FAM161B: variants seen among roughly 807,000 people sequenced by gnomAD.
The protein encoded by FAM161B is protein FAM161B.
Under a neutral mutation model 61.5 loss-of-function variants are expected in FAM161B, and 46 were observed. That is an observed-to-expected ratio of 0.75 (90% CI 0.59 to 0.96). The LOEUF (loss-of-function observed/expected upper bound fraction) is 0.96. Among genes scored for constraint, FAM161B ranks in the 40% least tolerant of loss-of-function variants. The probability of loss-of-function intolerance (pLI) is 0.00; values close to 1 mark genes in which losing one functional copy is unlikely to be tolerated. For missense variants in FAM161B, 774 were observed against 800.7 expected (o/e 0.97, Z 0.40); for synonymous variants, 284 against 302.7 (o/e 0.94, Z 0.64).
chr14:73,946,502 G>A lies in FAM161B; in HGVS notation c.158C>T (p.Pro53Leu). 6.2e-7 allele frequency: 1 copy of A among 1,614,170 alleles called. No individual in the cohort carries two copies. Among genetic ancestry groups the A allele is most frequent in the Non-Finnish European group, 8.5e-7 (1 of 1,180,048 alleles). ...RASKLDEFLSPEEEIDSTSDS... is the reference protein window; with the variant it reads ...RASKLDEFLSLEEEIDSTSDS... ...AGAAGTAGAATCTATCTCCTCCTCT[G>A]GGCTGAGGAACTCGTCAAGTTTGCT... The change falls in exon 2 of 9, where the codon CCA becomes CTA. Residue 53 changes from proline (P) to leucine (L), a missense_variant. Transcript: ENST00000286544.
downstream of FAM161B, chr14:73,932,052 C>G (rs988298424): frequency 3.3e-5 from 15 of 455,982 alleles, no homozygotes; most frequent in Non-Finnish European, 5.3e-5. Flanking sequence ...GAGTAAGAGA[C>G]TCTCTGCCAC....
chr14:73,937,466 A>G (rs1382843448), intron 7 of FAM161B, 136 bp downstream of exon 7: 1 of 726,534 alleles, frequency 1.4e-6, no homozygotes, highest in Non-Finnish European at 2.3e-6. Flanking sequence ...TTATTTTGGG[A>G]AAAGAAGGTA....
chr14:73,928,335 A>C (rs1235252641), downstream of FAM161B, among the ~76,000 whole-genome samples: 1 of 152,110 alleles, frequency 6.6e-6, no homozygotes, highest in Non-Finnish European at 1.5e-5. Context: ...CCTCTGTGGA[A>C]CTGTAAATAG....
intron 7 of FAM161B, 26 bp downstream of exon 7, chr14:73,937,576 G>A: frequency 1.3e-6 from 2 of 1,591,112 alleles, no homozygotes; most frequent in Non-Finnish European, 1.7e-6. Context: ...AAGGCAGAAA[G>A]AAAACAAATG....
At chr14:73,937,320 G>T (rs956627088) in intron 7 of FAM161B, among the ~76,000 whole-genome samples, 16 of 152,202 alleles carry the variant, frequency 1.1e-4, no homozygotes, top group African/African-American at 3.9e-4. Flanking sequence ...TGTCTCTGGG[G>T]TCTAATGCCC....
rs772983273 is a variant in FAM161B, at chr14:73,942,611, G to A, written c.1030C>T (p.Pro344Ser). 1.1e-5 allele frequency: 17 copies of A among 1,614,102 alleles called. No individual in the cohort carries two copies. Among genetic ancestry groups the A allele is most frequent in the Non-Finnish European group, 1.4e-5 (17 of 1,180,048 alleles). Residue 344 changes from proline (P) to serine (S), a missense_variant, in exon 4 of 9, where the codon CCC becomes TCC. Transcript: ENST00000286544. Reference protein sequence around the residue: ...ASSSNRANPQPRTATRTQQEK... With the variant: ...ASSSNRANPQSRTATRTQQEK... ...TGCTGGGTTCGGGTGGCTGTGCGGGGCTGTGGGTTAGCCCGGTTACTAGAG... is the reference window on the plus strand; with the variant it reads ...TGCTGGGTTCGGGTGGCTGTGCGGGACTGTGGGTTAGCCCGGTTACTAGAG...
rs72723771 is a variant in FAM161B at position 73,943,937 on chromosome 14, C to T, written c.925+398G>A. Among the ~76,000 whole-genome samples the T allele has an allele frequency of 8.3e-3, 1,258 of 152,200 alleles. 2 individuals carry two copies. The highest frequency in any genetic ancestry group is 0.013 in the Non-Finnish European group (866 of 68,020). On this transcript the variant is annotated intron_variant, in intron 3 of 8. Coordinates refer to ENST00000286544, the MANE Select transcript of FAM161B (RefSeq NM_152445.3). Reference sequence around the variant, plus strand: ...ATAATCATCCCCCAGGTAATTTCGGCGATTGACACTACCTCACCAGGACGA... The same window carrying T: ...ATAATCATCCCCCAGGTAATTTCGGTGATTGACACTACCTCACCAGGACGA...
At chr14:73,946,734 C>T (rs2056071108) in intron 1 of FAM161B, 129 bp from the exon 2 acceptor site, 2 of 844,982 alleles carry the variant, frequency 2.4e-6, no homozygotes, top group South Asian at 1.8e-5. Context: ...CTGCCAGATG[C>T]ACTGGCTCAC....
the FAM161B span, chr14:73,924,653 G>A: frequency 1.0e-4 from 46 of 442,676 alleles, no homozygotes; most frequent in Non-Finnish European, 1.6e-4. Context: ...TTTTTATGGT[G>A]CTCTTCCGTC....
chr14:73,948,093 T>A (rs2056082130), intron 1 of FAM161B, among the ~76,000 whole-genome samples: 1 of 152,046 alleles, frequency 6.6e-6, no homozygotes, highest in Non-Finnish European at 1.5e-5. Context: ...CTGGCTAGTT[T>A]TTGTATTTTT....
chr14:73,931,397 C>T, downstream of FAM161B: 1 of 939,184 alleles, frequency 1.1e-6, no homozygotes, highest in Non-Finnish European at 1.7e-6. Flanking sequence ...TTCATTCACC[C>T]CTGTAGTGCA....
At position 73,946,568 on chromosome 14, in the gene FAM161B, C is replaced by T. The variant is rs1224505991; in HGVS notation, c.92G>A (p.Gly31Glu). 1 of 1,614,134 alleles carries T rather than the reference C, an allele frequency of 6.2e-7. No homozygotes were observed. Among genetic ancestry groups the T allele is most frequent in the Non-Finnish European group, 8.5e-7 (1 of 1,179,998 alleles). ...CAGCCCATCCCCGGACAGCTCCTCTCCTGCCTCTGTGTCTGCGAAGGACTC... is the reference window on the plus strand; with the variant it reads ...CAGCCCATCCCCGGACAGCTCCTCTTCTGCCTCTGTGTCTGCGAAGGACTC... ...PPESFADTEA[G>E]EELSGDGLVL... The change falls in exon 2 of 9, where the codon GGA (glycine) becomes GAA (glutamate). Residue 31 changes from glycine (G) to glutamate (E), a missense_variant. Physicochemically the swap from Gly to Glu is moderately conservative, Grantham distance 98. Transcript: ENST00000286544.
At chr14:73,945,799 T>C (rs2056061377) in intron 2 of FAM161B, among the ~76,000 whole-genome samples, 1 of 151,382 alleles carries the variant, frequency 6.6e-6, no homozygotes, top group Non-Finnish European at 1.5e-5. Context: ...TGGAGTGCAG[T>C]GGCGTGATCT....
Position 73,944,492 on chromosome 14 carries a change from C to T in FAM161B, c.768G>A (p.Leu256=), listed in dbSNP as rs2056046545. ...CCTTCTCCAGGAAGCTGAAGGGCTT[C>T]AAAGAAGAGAGGAGCAGTTCCTTCC... The part of the protein sequence containing the change: ...QKRKELLLSS[L]KPFSFLEKEE... Residue 256 remains leucine (L), a synonymous_variant, in exon 3 of 9, where the codon TTG becomes TTA. Transcript: ENST00000286544. The T allele has an allele frequency of 6.2e-7, 1 of 1,613,962 alleles. No homozygotes were observed. Among genetic ancestry groups the T allele is most frequent in the African/African-American group, 1.3e-5 (1 of 74,898 alleles).
chr14:73,939,404 T>C (rs2055998739), intron 5 of FAM161B, among the ~76,000 whole-genome samples: 1 of 152,242 alleles, frequency 6.6e-6, no homozygotes, highest in Admixed American at 6.5e-5. Context: ...GAGCTCCTTA[T>C]TATGAACCAA....
rs1198886723 is a variant in FAM161B, at chr14:73,940,943, CT to C, written c.1382del (p.Lys461ArgfsTer37). On this transcript the variant is annotated frameshift_variant, in exon 5 of 9. Transcript: ENST00000286544. LOFTEE classifies it high-confidence loss of function. ...CCACTCACCTGACTGCAGATTCCCT[CT>C]TCCTGGTGGCATCTGTGATGTGCAC... ...LPVHITDATR[K>X]RESAVRSALE... The C allele has an allele frequency of 6.2e-7, 1 of 1,612,028 alleles. No individual in the cohort carries two copies. The highest frequency in any genetic ancestry group is 1.1e-5 in the South Asian group (1 of 90,762).
Position 73,944,334 on chromosome 14 carries a change from C to A in FAM161B, c.925+1G>T. On this transcript the variant is annotated splice_donor_variant, in intron 3 of 8. Transcript: ENST00000286544. LOFTEE classifies it high-confidence loss of function. ...CAGCAAGGTGGCAAGGATGTCTTTA[C>A]CCTGGAGTTTATCCCCAAGGGCTGG... The A allele has an allele frequency of 6.3e-7, 1 of 1,577,022 alleles. No individual in the cohort carries two copies. Among genetic ancestry groups the A allele is most frequent in the Non-Finnish European group, 8.6e-7 (1 of 1,157,464 alleles).
At position 73,944,341 on chromosome 14, in the gene FAM161B, G is replaced by T. The variant is rs780882925; in HGVS notation, c.919C>A (p.Leu307Ile). The T allele has an allele frequency of 1.3e-6, 2 of 1,582,862 alleles. No homozygotes were observed. Among genetic ancestry groups the T allele is most frequent in the East Asian group, 2.3e-5 (1 of 44,288 alleles). The change falls in exon 3 of 9, where the codon CTC (leucine) becomes ATC (isoleucine). Residue 307 changes from leucine (L) to isoleucine (I), a missense_variant. Physicochemically the swap from Leu to Ile is conservative, Grantham distance 5. Coordinates refer to ENST00000286544, the MANE Select transcript of FAM161B (RefSeq NM_152445.3). Reference protein sequence around the residue: ...SILEPALGDKLQEAELFRKIR... With the variant: ...SILEPALGDKIQEAELFRKIR... ...GTGGCAAGGATGTCTTTACCCTGGA[G>T]TTTATCCCCAAGGGCTGGCTCCAGA... is the stretch of plus-strand genomic sequence containing the variant.
At position 73,935,983 on chromosome 14, in the gene FAM161B, G is replaced by C. The variant is rs1475287434; in HGVS notation, c.1771C>G (p.Gln591Glu). 2 of 1,612,706 alleles carry C rather than the reference G, an allele frequency of 1.2e-6. No homozygotes were observed. The highest frequency in any genetic ancestry group is 1.7e-6 in the Non-Finnish European group (2 of 1,179,218). Residue 591 changes from glutamine (Q) to glutamate (E), a missense_variant, in exon 8 of 9, where the codon CAA becomes GAA. Coordinates refer to ENST00000286544, the MANE Select transcript of FAM161B (RefSeq NM_152445.3). The stretch of plus-strand genomic sequence containing the variant: ...TCCTTGATTTTGGTCTCTTTCTCTT[G>C]AACAGCCCGGGTGCCTTGACCCTTG... ...RNKGQGTRAV[Q>E]EKETKIKDFP...
Sources: gnomAD v4.1 joint callset for allele counts (sites outside exome capture counted in the v4.1 genomes callset) on GRCh38, gnomAD v4.1.1 for gene constraint, MANE v1.5 for transcripts, NCBI Gene and HGNC (gene_info 2026-07-23, HGNC 2026-07-21) for gene names.